The following ARPP21 variants were observed in gnomAD, a reference collection of about 807,000 sequenced individuals.
ARPP21 encodes cAMP-regulated phosphoprotein 21.
A neutral mutation model predicts 113.2 loss-of-function variants in ARPP21; 69 were observed. The observed-to-expected ratio is 0.61, with a 90% CI of 0.50 to 0.74. The LOEUF (loss-of-function observed/expected upper bound fraction) is 0.74, where lower values mean the gene tolerates loss of function less well. Among genes scored for constraint, ARPP21 ranks in the 30% least tolerant of loss-of-function variants. ARPP21 has a pLI of 0.00. For synonymous variants in ARPP21, 368 were observed against 375.5 expected, an observed-to-expected ratio of 0.98 and a Z score of 0.23; for missense variants, 1,070 against 1,037.4, an observed-to-expected ratio of 1.03 and a Z score of -0.43.
upstream of ARPP21, chr3:35,638,967 G>C (rs996727916): frequency 2.0e-5 from 3 of 152,410 alleles, no homozygotes; most frequent in African/African-American, 7.2e-5. Context: ...GAGAGTGAGC[G>C]GTGGAGGGAG....
Position 35,715,482 on chromosome 3 carries a change from A to G in ARPP21, c.935+6A>G, listed in dbSNP as rs1352557106. 9 of 1,610,726 alleles carry G rather than the reference A, an allele frequency of 5.6e-6. No homozygotes were observed. The highest frequency in any genetic ancestry group is 7.6e-6 in the Non-Finnish European group (9 of 1,177,234). On this transcript the variant is annotated splice_donor_region_variant and intron_variant, in intron 12 of 20. Transcript: ENST00000684406. ...AGCCTTTTTGTGGAAAACAGGTAAA[A>G]TAAAATTTACTTTTCCATGTCTTTA...
intron 14 of ARPP21, among the ~76,000 whole-genome samples, chr3:35,726,627 T>G (rs2093560809): frequency 6.6e-6 from 1 of 152,196 alleles, no homozygotes; most frequent in Non-Finnish European, 1.5e-5. Flanking sequence ...ATGTTGTAAA[T>G]CAGTGATTAA....
chr3:35,715,651 ATTTGG>A, intron 12 of ARPP21, 175 bp downstream of exon 12: 1 of 441,978 alleles, frequency 2.3e-6, no homozygotes, highest in Admixed American at 4.0e-5. Flanking sequence ...AAATGATCTA[ATTTGG>A]AAAAAAAATT....
intron 15 of ARPP21, among the ~76,000 whole-genome samples, chr3:35,732,281 A>C (rs538221923): frequency 6.6e-6 from 1 of 152,324 alleles, no homozygotes; most frequent in South Asian, 2.1e-4. Context: ...CTAAGTACTA[A>C]ATATTTGGCA....
chr3:35,696,607 AT>A (rs1277165123), intron 9 of ARPP21, among the ~76,000 whole-genome samples: 2 of 151,112 alleles, frequency 1.3e-5, no homozygotes, highest in East Asian at 2.0e-4. Context: ...ACACTTTTTT[AT>A]TTTTTTATGG....
At chr3:35,681,184 A>C (rs1188167011) in intron 2 of ARPP21, 1 of 151,844 alleles carries the variant, frequency 6.6e-6, no homozygotes, top group Non-Finnish European at 1.5e-5. Flanking sequence ...TATTGCCAAA[A>C]TTAGATACCA....
At chr3:35,700,559 T>C (rs2085964763) in intron 9 of ARPP21, among the ~76,000 whole-genome samples, 1 of 151,008 alleles carries the variant, frequency 6.6e-6, no homozygotes, top group Admixed American at 6.6e-5. Context: ...TTTTAGTCAG[T>C]TTATTACCAC....
chr3:35,773,489 C>A (rs951381512), intron 19 of ARPP21, among the ~76,000 whole-genome samples: 1 of 152,150 alleles, frequency 6.6e-6, no homozygotes, highest in African/African-American at 2.4e-5. Flanking sequence ...ATTGTATTTA[C>A]TTCCTCCCTC....
At chr3:35,768,823 T>C (rs1361274841) in intron 19 of ARPP21, among the ~76,000 whole-genome samples, 1 of 152,228 alleles carries the variant, frequency 6.6e-6, no homozygotes, top group Non-Finnish European at 1.5e-5. Flanking sequence ...TGTCATGTTA[T>C]CAGAGTATCC....
chr3:35,702,522 A>G (rs565548456), intron 9 of ARPP21, among the ~76,000 whole-genome samples: 12 of 151,952 alleles, frequency 7.9e-5, no homozygotes, highest in Non-Finnish European at 1.6e-4. Flanking sequence ...TTGTTTTTAA[A>G]TGTTGTGCTT....
intron 11 of ARPP21, 47 bp downstream of exon 11, chr3:35,709,117 C>G (rs1177051137): frequency 7.7e-7 from 1 of 1,304,566 alleles, no homozygotes; most frequent in Non-Finnish European, 1.1e-6. Flanking sequence ...CTTCCAACAG[C>G]AGTAAGGCTT....
intron 19 of ARPP21, among the ~76,000 whole-genome samples, chr3:35,763,643 T>C (rs900369612): frequency 2.0e-5 from 3 of 152,136 alleles, no homozygotes; most frequent in Admixed American, 6.6e-5. Context: ...TAAAATTGAA[T>C]AGATATTACA....
At chr3:35,740,955 A>G (rs2094619638) in intron 18 of ARPP21, among the ~76,000 whole-genome samples, 1 of 151,912 alleles carries the variant, frequency 6.6e-6, no homozygotes, top group South Asian at 2.1e-4. Flanking sequence ...AAAAAAAAAT[A>G]GCTGGGTGTG....
intron 6 of ARPP21, 106 bp downstream of exon 6, chr3:35,687,989 T>G: frequency 1.1e-5 from 11 of 1,033,086 alleles, no homozygotes; most frequent in South Asian, 1.6e-5. Flanking sequence ...AAACCCTGCA[T>G]ATGATTCTAT....
At chr3:35,680,836 TGAG>T (rs2078690688) in intron 2 of ARPP21, 1 of 151,666 alleles carries the variant, frequency 6.6e-6, no homozygotes. Flanking sequence ...CTTAAAAAAG[TGAG>T]GAGGAAGTAA....
At chr3:35,677,217 T>G (rs752313358) in intron 1 of ARPP21, among the ~76,000 whole-genome samples, 1 of 151,946 alleles carries the variant, frequency 6.6e-6, no homozygotes, top group Non-Finnish European at 1.5e-5. Flanking sequence ...TGCCGAAATT[T>G]GAATCAAATC....
At chr3:35,784,779 A>C (rs1159258865) in intron 19 of ARPP21, 1 of 152,184 alleles carries the variant, frequency 6.6e-6, no homozygotes, top group Non-Finnish European at 1.5e-5. Flanking sequence ...ATAATAATGT[A>C]TAATGCTTTA....
chr3:35,786,668 C>T (rs1394407919), intron 19 of ARPP21, among the ~76,000 whole-genome samples: 1 of 151,976 alleles, frequency 6.6e-6, no homozygotes, highest in Non-Finnish European at 1.5e-5. Flanking sequence ...ACCACGTTTA[C>T]ATTGTCATTC....
chr3:35,738,607 G>C (rs2094491756), intron 17 of ARPP21, among the ~76,000 whole-genome samples: 1 of 152,194 alleles, frequency 6.6e-6, no homozygotes, highest in Admixed American at 6.5e-5. Flanking sequence ...ATCAGGAACA[G>C]AGAGATACAG....
Sources: allele counts gnomAD v4.1 joint callset (sites outside exome capture counted in the v4.1 genomes callset), GRCh38; gene constraint gnomAD v4.1.1; transcripts MANE v1.5; gene names NCBI Gene and HGNC (gene_info 2026-07-23, HGNC 2026-07-21).